EXOC4: variants seen among roughly 807,000 people sequenced by gnomAD.
The protein encoded by EXOC4 is SEC8-like 1.
EXOC4 carries 71 observed loss-of-function variants against 107.2 expected under a neutral mutation model. The observed-to-expected ratio is 0.66, with a 90% CI of 0.55 to 0.81. The LOEUF (loss-of-function observed/expected upper bound fraction) is 0.81, where lower values mean the gene tolerates loss of function less well. EXOC4 is among the 30% of genes least tolerant of loss of function. The pLI is 0.00. For missense variants in EXOC4, 1,108 were observed against 1,189.6 expected (o/e 0.93, Z 1.01); for synonymous variants, 456 against 441.2 (o/e 1.03, Z -0.42).
intron 7 of EXOC4, among the ~76,000 whole-genome samples, chr7:133,377,749 A>C (rs1436850911): frequency 6.6e-6 from 1 of 152,152 alleles, no homozygotes; most frequent in African/African-American, 2.4e-5. Flanking sequence ...CCAAAGAAAA[A>C]ATTCTTAAAA....
At chr7:134,037,684 A>G (rs1795423074) in intron 17 of EXOC4, among the ~76,000 whole-genome samples, 1 of 152,186 alleles carries the variant, frequency 6.6e-6, no homozygotes, top group African/African-American at 2.4e-5. Context: ...CTCCTCAGGG[A>G]GAGTCCTTGA....
intron 9 of EXOC4, among the ~76,000 whole-genome samples, chr7:133,494,245 A>G (rs1799430884): frequency 6.6e-6 from 1 of 152,172 alleles, no homozygotes; most frequent in Admixed American, 6.5e-5. Context: ...ACCCTTATAG[A>G]CACACTCAGA....
At chr7:133,899,653 A>G (rs930256656) in intron 12 of EXOC4, among the ~76,000 whole-genome samples, 1 of 151,364 alleles carries the variant, frequency 6.6e-6, no homozygotes, top group Non-Finnish European at 1.5e-5. Context: ...TCTATGAACT[A>G]TCTCAGTCAT....
chr7:133,913,381 G>A (rs1342942673), intron 12 of EXOC4, among the ~76,000 whole-genome samples: 1 of 152,208 alleles, frequency 6.6e-6, no homozygotes, highest in African/African-American at 2.4e-5. Flanking sequence ...TGACTGATGT[G>A]GTGAGTTCAA....
At chr7:133,454,873 T>G (rs1436398386) in intron 7 of EXOC4, among the ~76,000 whole-genome samples, 1 of 151,998 alleles carries the variant, frequency 6.6e-6, no homozygotes, top group African/African-American at 2.4e-5. Context: ...CCGAGGCAGG[T>G]GGATCACTTG....
intron 10 of EXOC4, among the ~76,000 whole-genome samples, chr7:133,780,465 T>TA (rs1796441559): frequency 6.6e-6 from 1 of 152,218 alleles, no homozygotes. Context: ...AGCTTGTCAT[T>TA]AAACAGCCTG....
At chr7:133,433,627 G>A (rs184446414) in intron 7 of EXOC4, among the ~76,000 whole-genome samples, 10 of 152,252 alleles carry the variant, frequency 6.6e-5, no homozygotes, top group African/African-American at 2.2e-4. Flanking sequence ...GTATTGTGGC[G>A]GTAGCTGACA....
intron 14 of EXOC4, among the ~76,000 whole-genome samples, chr7:133,981,259 G>A (rs1793972527): frequency 1.3e-5 from 2 of 152,150 alleles, no homozygotes; most frequent in Admixed American, 6.5e-5. Context: ...ATGGCAGTCA[G>A]AGTGGCCATG....
intron 11 of EXOC4, among the ~76,000 whole-genome samples, chr7:133,830,954 G>C (rs774345262): frequency 6.7e-6 from 1 of 150,150 alleles, no homozygotes; most frequent in Non-Finnish European, 1.5e-5. Flanking sequence ...TGATGACCTT[G>C]ACAGTTTTTT....
chr7:133,382,973 C>G (rs1056635634), intron 7 of EXOC4, among the ~76,000 whole-genome samples: 1 of 152,144 alleles, frequency 6.6e-6, no homozygotes, highest in African/African-American at 2.4e-5. Context: ...TAGTTTTTCC[C>G]TGGTGTCAGC....
At chr7:133,896,837 G>GTTTTTTTTTTTTTTTTTTTTTTTT (rs1554416770) in intron 12 of EXOC4, among the ~76,000 whole-genome samples, 1 of 85,678 alleles carries the variant, frequency 1.2e-5, no homozygotes. Context: ...GGCTATTTTT[G>GTTTTTTTTTTTTTTTTTTTTTTTT]TATTTTTAGT....
intron 7 of EXOC4, among the ~76,000 whole-genome samples, chr7:133,450,984 A>T (rs1423045000): frequency 3.9e-5 from 6 of 152,220 alleles, no homozygotes; most frequent in African/African-American, 1.4e-4. Flanking sequence ...CAGGCCAGCA[A>T]CTATGTGGTC....
At chr7:133,677,804 T>TTG (rs1794097903) in intron 10 of EXOC4, among the ~76,000 whole-genome samples, 1 of 151,564 alleles carries the variant, frequency 6.6e-6, no homozygotes, top group African/African-American at 2.4e-5. Flanking sequence ...TTGAGGGCTT[T>TTG]TTTTGTATTA....
intron 7 of EXOC4, among the ~76,000 whole-genome samples, chr7:133,443,502 G>A (rs983985058): frequency 2.0e-5 from 3 of 152,150 alleles, no homozygotes; most frequent in African/African-American, 7.2e-5. Context: ...TCTGGTGGTA[G>A]AAACTCAAAT....
At chr7:133,740,475 G>T (rs1018745706) in intron 10 of EXOC4, among the ~76,000 whole-genome samples, 2 of 152,114 alleles carry the variant, frequency 1.3e-5, no homozygotes, top group Non-Finnish European at 2.9e-5. Context: ...TAGTGACACT[G>T]CTCAGGAGAG....
chr7:133,924,860 G>T (rs111291566), intron 13 of EXOC4, among the ~76,000 whole-genome samples: 2,016 of 152,324 alleles, frequency 0.013, 29 homozygotes, highest in African/African-American at 0.042. Flanking sequence ...TGCATGTAGA[G>T]ATGGCTTGAA....
At chr7:133,621,127 A>G (rs1453276006) in intron 9 of EXOC4, among the ~76,000 whole-genome samples, 1 of 152,196 alleles carries the variant, frequency 6.6e-6, no homozygotes, top group Non-Finnish European at 1.5e-5. Flanking sequence ...CTCCAGGTGA[A>G]CACATTTTAC....
At chr7:133,290,430 T>A (rs1794377548) in intron 3 of EXOC4, among the ~76,000 whole-genome samples, 1 of 152,238 alleles carries the variant, frequency 6.6e-6, no homozygotes, top group African/African-American at 2.4e-5. Context: ...AGAAAAAAAT[T>A]ACTTTTCACC....
At chr7:133,737,175 A>G (rs1795461845) in intron 10 of EXOC4, among the ~76,000 whole-genome samples, 1 of 152,182 alleles carries the variant, frequency 6.6e-6, no homozygotes, top group Non-Finnish European at 1.5e-5. Flanking sequence ...TGTACCACAC[A>G]CTGCTGTCAT....
Sources: gnomAD v4.1 joint callset for allele counts (sites outside exome capture counted in the v4.1 genomes callset) on GRCh38, gnomAD v4.1.1 for gene constraint, MANE v1.5 for transcripts, NCBI Gene and HGNC (gene_info 2026-07-23, HGNC 2026-07-21) for gene names.